Variants in COL27A1 observed in about 807,000 individuals in gnomAD.
The protein encoded by COL27A1 is collagen alpha-1(XXVII) chain.
A neutral mutation model predicts 251.3 loss-of-function variants in COL27A1; 106 were observed. The ratio of observed to expected loss-of-function variants is 0.42; its 90% CI spans 0.36 to 0.50. COL27A1 has a LOEUF of 0.50. COL27A1 is among the 20% of genes least tolerant of loss of function. The probability of loss-of-function intolerance (pLI) is 0.00; values close to 1 mark genes in which losing one functional copy is unlikely to be tolerated. For synonymous variants in COL27A1, 1,000 were observed against 986.3 expected (o/e 1.01, Z -0.26); for missense variants, 2,325 against 2,522.8 (o/e 0.92, Z 1.68).
At position 114,310,741 on chromosome 9, in the gene COL27A1, G is replaced by C; in HGVS notation, c.*46G>C. 1 of 1,607,642 alleles carries C rather than the reference G, an allele frequency of 6.2e-7. No homozygotes were observed. The highest frequency in any genetic ancestry group is 8.5e-7 in the Non-Finnish European group (1 of 1,175,492). ...CTAGGCCTCACGGAGGAGGGAAGAG[G>C]AAGAGGCAAGGGGAGGGTACTGAGG... On this transcript the variant is annotated 3_prime_UTR_variant, in exon 61 of 61. Transcript: ENST00000356083.
chr9:114,240,397 C>G, intron 20 of COL27A1, 37 bp from the exon 21 acceptor site: 3 of 1,608,646 alleles, frequency 1.9e-6, no homozygotes, highest in Non-Finnish European at 2.6e-6. Flanking sequence ...ATGGAGGTAC[C>G]GCCTCTGAGA....
chr9:114,290,002 C>G lies in COL27A1; in HGVS notation c.4207-56C>G. On this transcript the variant is annotated intron_variant, in intron 45 of 60. Coordinates refer to ENST00000356083, the MANE Select transcript of COL27A1 (RefSeq NM_032888.4). This position sits in a 1 kb window ranked among gnomAD's most constrained non-coding sequence, Gnocchi z 4.6. Reference sequence around the variant, plus strand: ...CTCTCAGTCCCTCCTTCCAGAGCCCCTAGGGTCCCACACCTCTACCAGGCA... The same window carrying G: ...CTCTCAGTCCCTCCTTCCAGAGCCCGTAGGGTCCCACACCTCTACCAGGCA... The G allele has an allele frequency of 6.3e-7, 1 of 1,589,710 alleles. No homozygotes were observed. The highest frequency in any genetic ancestry group is 8.6e-7 in the Non-Finnish European group (1 of 1,160,386).
chr9:114,243,586 G>T (rs1832910394), intron 23 of COL27A1, 26 bp downstream of exon 23: 3 of 1,600,136 alleles, frequency 1.9e-6, no homozygotes, highest in Non-Finnish European at 2.6e-6. Context: ...GATCCCTGGG[G>T]ACAAGAGGAA....
Position 114,252,907 on chromosome 9 carries a change from G to A in COL27A1, c.3116G>A (p.Gly1039Glu). The A allele has an allele frequency of 6.2e-7, 1 of 1,613,888 alleles. No individual in the cohort carries two copies. Among genetic ancestry groups the A allele is most frequent in the Non-Finnish European group, 8.5e-7 (1 of 1,179,864 alleles). The change falls in exon 27 of 61, where the codon GGG becomes GAG. Residue 1039 changes from glycine (G) to glutamate (E), a missense_variant. By Grantham distance (98) the Gly-to-Glu change is moderately conservative. Coordinates refer to ENST00000356083, the MANE Select transcript of COL27A1 (RefSeq NM_032888.4). The part of the protein sequence containing the change: ...MGHPGMPGGM[G>E]TPGEPGPQGP... ...CATCCTGGAATGCCAGGTGGTATGGGGACCCCTGGAGAGCCTGGACCCCAG... is the reference window on the plus strand; with the variant it reads ...CATCCTGGAATGCCAGGTGGTATGGAGACCCCTGGAGAGCCTGGACCCCAG...
chr9:114,303,810 GC>G (rs1828838191), intron 56 of COL27A1, among the ~76,000 whole-genome samples: 1 of 152,190 alleles, frequency 6.6e-6, no homozygotes, highest in Non-Finnish European at 1.5e-5. Flanking sequence ...GGTTGGGAGT[GC>G]AAAGTTATAT....
chr9:114,292,169 C>T lies in COL27A1; in HGVS notation c.4543C>T (p.Leu1515Phe), dbSNP rs1186925951. 1 of 1,559,842 alleles carries T rather than the reference C, an allele frequency of 6.4e-7. No homozygotes were observed. Among genetic ancestry groups the T allele is most frequent in the African/African-American group, 1.4e-5 (1 of 73,518 alleles). The part of the protein sequence containing the change: ...GKRGTEGRTG[L>F]PGNQGEPGSK... ...GCGAGGAACAGAGGGCAGAACGGGG[C>T]TCCCTGGAAACCAGGGGGAGCCTGG... The change falls in exon 49 of 61, where the codon CTC becomes TTC. Residue 1515 changes from leucine (L) to phenylalanine (F), a missense_variant. Physicochemically the swap from Leu to Phe is conservative, Grantham distance 22 (BLOSUM62 0). Transcript: ENST00000356083.
intron 59 of COL27A1, among the ~76,000 whole-genome samples, chr9:114,308,761 C>T (rs552993156): frequency 5.3e-5 from 8 of 152,328 alleles, no homozygotes; most frequent in South Asian, 2.1e-4. Flanking sequence ...GGCCCTGGCT[C>T]TGTGTGGGAA....
intron 5 of COL27A1, among the ~76,000 whole-genome samples, chr9:114,183,942 G>A (rs934426460): frequency 6.6e-6 from 1 of 152,190 alleles, no homozygotes; most frequent in Non-Finnish European, 1.5e-5. Flanking sequence ...AGAGGGCAAG[G>A]TTGTTGGGGC....
chr9:114,306,433 G>C (rs952772044), intron 57 of COL27A1, 87 bp from the exon 58 acceptor site: 14 of 1,367,028 alleles, frequency 1.0e-5, no homozygotes, highest in African/African-American at 2.9e-5. Flanking sequence ...TACCTCCCAG[G>C]TTGTGAGAAC....
At chr9:114,192,939 C>G (rs1828847057) in intron 5 of COL27A1, among the ~76,000 whole-genome samples, 1 of 152,198 alleles carries the variant, frequency 6.6e-6, no homozygotes, top group Non-Finnish European at 1.5e-5. Context: ...AACCACCCTT[C>G]CCATGTGTTA....
At chr9:114,267,630 T>C (rs1834836478) in intron 34 of COL27A1, 73 bp downstream of exon 34, 46 of 1,370,602 alleles carry the variant, frequency 3.4e-5, no homozygotes, top group Non-Finnish European at 4.5e-5. Context: ...ATCCTCTCCA[T>C]GGAAGAGAAA....
chr9:114,166,558 G>A (rs751290305), intron 2 of COL27A1, among the ~76,000 whole-genome samples: 3 of 152,230 alleles, frequency 2.0e-5, no homozygotes, highest in Non-Finnish European at 2.9e-5. Context: ...GGGGGTGATA[G>A]GGAGAGAGCA....
In COL27A1 at chr9:114,250,624, G is replaced by A. The variant is rs1414021720; in HGVS notation, c.2989G>A (p.Gly997Arg). ...PGPVGEQGFM[G>R]FIGLVGEPGI... Reference sequence around the variant, plus strand: ...GGAATGTGTCTCATAGGGATTTATGGGATTCATTGGTCTGGTCGGGGAGCC... The same window carrying A: ...GGAATGTGTCTCATAGGGATTTATGAGATTCATTGGTCTGGTCGGGGAGCC... Residue 997 changes from glycine (G) to arginine (R), a missense_variant, in exon 25 of 61, where the codon GGA (glycine) becomes AGA (arginine). Coordinates refer to ENST00000356083, the MANE Select transcript of COL27A1 (RefSeq NM_032888.4). The A allele has an allele frequency of 6.2e-7, 1 of 1,611,856 alleles. No individual in the cohort carries two copies. Among genetic ancestry groups the A allele is most frequent in the African/African-American group, 1.3e-5 (1 of 74,900 alleles).
chr9:114,169,167 G>T lies in COL27A1; in HGVS notation c.1612G>T (p.Gly538Ter). The T allele has an allele frequency of 6.2e-7, 1 of 1,614,070 alleles. No individual in the cohort carries two copies. Among genetic ancestry groups the T allele is most frequent in the Non-Finnish European group, 8.5e-7 (1 of 1,180,020 alleles). ...TCCCACTGGAAGCAAGAAGCCCATT[G>T]GATCGGAAGCCTCAAAGAAAGCCGG... Reference protein sequence around the residue: ...SAPTGSKKPIGSEASKKAGPK... With the variant: ...SAPTGSKKPI Residue 538 changes from glycine to a stop codon, truncating the protein, a stop_gained, in exon 3 of 61, where the codon GGA becomes TGA. Transcript: ENST00000356083. LOFTEE classifies it high-confidence loss of function.
intron 10 of COL27A1, among the ~76,000 whole-genome samples, chr9:114,209,138 T>C (rs537274909): frequency 6.6e-6 from 1 of 152,264 alleles, no homozygotes; most frequent in African/African-American, 2.4e-5. Context: ...GGGGGGTCCT[T>C]GTGAGAGTCT....
intron 39 of COL27A1, 51 bp downstream of exon 39, chr9:114,282,615 C>A: frequency 8.2e-7 from 1 of 1,223,482 alleles, no homozygotes; most frequent in Non-Finnish European, 1.1e-6. Context: ...ATAGAGGGAA[C>A]CAAGGGCAGG....
intron 59 of COL27A1, among the ~76,000 whole-genome samples, chr9:114,308,627 C>T (rs1159741881): frequency 6.6e-6 from 1 of 152,210 alleles, no homozygotes; most frequent in Admixed American, 6.5e-5. Context: ...CCTGGTGACT[C>T]GAAGGTTTTG....
chr9:114,306,356 C>A (rs1209203129), intron 57 of COL27A1, 164 bp from the exon 58 acceptor site: 9 of 639,822 alleles, frequency 1.4e-5, no homozygotes, highest in Non-Finnish European at 2.4e-5. Flanking sequence ...TGTCCCTGGC[C>A]CGTTTTCTTG....
chr9:114,267,414 C>T, intron 33 of COL27A1, 90 bp from the exon 34 acceptor site: 1 of 1,118,434 alleles, frequency 8.9e-7, no homozygotes. Flanking sequence ...CCTGGGTGTT[C>T]TCTTGCCCTC....
Sources: gnomAD v4.1 joint callset for allele counts (sites outside exome capture counted in the v4.1 genomes callset) on GRCh38, gnomAD v4.1.1 for gene constraint, Gnocchi (gnomAD v3.1) non-coding constraint, MANE v1.5 for transcripts, NCBI Gene and HGNC (gene_info 2026-07-23, HGNC 2026-07-21) for gene names.